TBC1D13: variants seen among roughly 807,000 people sequenced by gnomAD.
TBC1D13 encodes epididymis secretory sperm binding protein.
Under a neutral mutation model 53.6 loss-of-function variants are expected in TBC1D13, and 40 were observed. The ratio of observed to expected loss-of-function variants is 0.75; its 90% CI spans 0.58 to 0.97. The LOEUF is 0.97. Ranked by LOEUF, TBC1D13 falls within the 50% of genes least tolerant of loss-of-function variation. TBC1D13 has a pLI of 0.00. For missense variants in TBC1D13, 377 were observed against 499.4 expected, an observed-to-expected ratio of 0.75 and a Z score of 2.34; for synonymous variants, 182 against 197.7, an observed-to-expected ratio of 0.92 and a Z score of 0.67.
chr9:128,803,886 A>T, intron 8 of TBC1D13, 70 bp from the exon 9 acceptor site: 1 of 1,585,974 alleles, frequency 6.3e-7, no homozygotes, highest in Non-Finnish European at 8.6e-7. Flanking sequence ...AGCAGGGCAG[A>T]TGTCTGGTAG....
At chr9:128,789,196 G>A (rs1423230025) in intron 2 of TBC1D13, among the ~76,000 whole-genome samples, 2 of 150,896 alleles carry the variant, frequency 1.3e-5, no homozygotes, top group Non-Finnish European at 2.9e-5. Flanking sequence ...GGTGGCACTT[G>A]CCTGTAATCC....
intron 3 of TBC1D13, among the ~76,000 whole-genome samples, chr9:128,790,982 A>C (rs1461958516): frequency 6.6e-6 from 1 of 152,130 alleles, no homozygotes; most frequent in African/African-American, 2.4e-5. Flanking sequence ...TAATGCCAAC[A>C]ATGAAGACCT....
intron 9 of TBC1D13, 21 bp downstream of exon 9, chr9:128,804,140 CGGG>C (rs753171017): frequency 1.2e-6 from 2 of 1,611,600 alleles, no homozygotes; most frequent in South Asian, 2.2e-5. Flanking sequence ...CAGGAACAGA[CGGG>C]TGGAAAGGGA....
rs369205778 is a variant in TBC1D13, at chr9:128,797,198, G to C, written c.527G>C (p.Arg176Pro). The C allele has an allele frequency of 1.2e-6, 2 of 1,613,906 alleles. No individual in the cohort carries two copies. Among genetic ancestry groups the C allele is most frequent in the Non-Finnish European group, 1.7e-6 (2 of 1,179,956 alleles). ...AAATCTCAGACGGTGGCCCGGAACC[G>C]GAGTGGGGTCACAAATGTGAGTGCC... Reference protein sequence around the residue: ...TLKSQTVARNRSGVTNMSSPH... With the variant: ...TLKSQTVARNPSGVTNMSSPH... The change falls in exon 7 of 12, where the codon CGG becomes CCG. Residue 176 changes from arginine to proline, a missense_variant. Coordinates refer to ENST00000372648, the MANE Select transcript of TBC1D13 (RefSeq NM_018201.5).
At chr9:128,793,716 C>G (rs1256295587) in intron 6 of TBC1D13, among the ~76,000 whole-genome samples, 1 of 152,154 alleles carries the variant, frequency 6.6e-6, no homozygotes, top group African/African-American at 2.4e-5. Context: ...TTACAACAGC[C>G]TGCCTGGGAC....
chr9:128,787,512 C>A, intron 1 of TBC1D13, 136 bp downstream of exon 1: 1 of 924,148 alleles, frequency 1.1e-6, no homozygotes, highest in Non-Finnish European at 1.4e-6. Context: ...CGTCCACCTT[C>A]TAACCTCATT....
intron 5 of TBC1D13, among the ~76,000 whole-genome samples, 158 bp from the exon 6 acceptor site, chr9:128,792,334 G>A (rs1829548259): frequency 6.6e-6 from 1 of 152,204 alleles, no homozygotes. Flanking sequence ...GGGAAGGGCT[G>A]TGTTGGCTCC....
chr9:128,805,859 C>G lies in TBC1D13; in HGVS notation c.919C>G (p.Gln307Glu). The G allele has an allele frequency of 6.2e-7, 1 of 1,613,276 alleles. No individual in the cohort carries two copies. The highest frequency in any genetic ancestry group is 1.1e-5 in the South Asian group (1 of 91,038). The change falls in exon 10 of 12, where the codon CAA (glutamine) becomes GAA (glutamate). Residue 307 changes from glutamine to glutamate, a missense_variant and splice_region_variant. Transcript: ENST00000372648. Reference protein sequence around the residue: ...DKDVELYLKLQEQNIKPQFFA... With the variant: ...DKDVELYLKLEEQNIKPQFFA... ...CCCACCCCCCACGCTGTCTCCCCAG[C>G]AAGAGCAGAACATCAAGCCTCAGTT...
Position 128,788,353 on chromosome 9 carries a change from G to C in TBC1D13, c.43G>C (p.Val15Leu), listed in dbSNP as rs1829467513. 6.2e-7 allele frequency: 1 copy of C among 1,614,164 alleles called. No individual in the cohort carries two copies. The change falls in exon 2 of 12, where the codon GTC becomes CTC. Residue 15 changes from valine (V) to leucine (L), a missense_variant. By Grantham distance (32) the Val-to-Leu change is conservative. Transcript: ENST00000372648. ...HKSRIADFQD[V>L]LKEPSIALEK... ...TTCCAGAATTGCAGATTTCCAGGATGTCCTGAAGGAGCCCTCAATTGCATT... is the reference window on the plus strand; with the variant it reads ...TTCCAGAATTGCAGATTTCCAGGATCTCCTGAAGGAGCCCTCAATTGCATT...
chr9:128,806,227 C>T (rs372756838), intron 10 of TBC1D13, 27 bp from the exon 11 acceptor site: 1 of 1,614,098 alleles, frequency 6.2e-7, no homozygotes, highest in Non-Finnish European at 8.5e-7. Context: ...TCCCAGGTCC[C>T]AGCGCTTTTG....
Position 128,807,932 on chromosome 9 carries a change from T to C in TBC1D13, c.*53T>C. The stretch of plus-strand genomic sequence containing the variant: ...AGAGAAGCCTCCCGACCCTGTGCCC[T>C]GGCTCCCGGGACACATAGAAACCTG... On this transcript the variant is annotated 3_prime_UTR_variant, in exon 12 of 12. Transcript: ENST00000372648. The C allele has an allele frequency of 6.4e-7, 1 of 1,563,726 alleles. No homozygotes were observed. Among genetic ancestry groups the C allele is most frequent in the African/African-American group, 1.4e-5 (1 of 74,058 alleles).
At position 128,795,305 on chromosome 9, in the gene TBC1D13, G is replaced by A. The variant is rs748306973; in HGVS notation, c.384-1750G>A. ...GCAATCTTGGCTCACTGCAACCTCC[G>A]GGTTCCAGTGATTTCTCCTGCCTCA... is the stretch of plus-strand genomic sequence containing the variant. On this transcript the variant is annotated intron_variant, in intron 6 of 11. Coordinates refer to ENST00000372648, the MANE Select transcript of TBC1D13 (RefSeq NM_018201.5). 4.7e-5 allele frequency among the ~76,000 whole-genome samples: 7 copies of A among 149,596 alleles called. No homozygotes were observed. In the South Asian group the frequency reaches 6.4e-4, roughly 14 times the overall value.
intron 1 of TBC1D13, 120 bp from the exon 2 acceptor site, chr9:128,788,214 T>C (rs1353232570): frequency 5.0e-6 from 4 of 800,164 alleles, no homozygotes; most frequent in Non-Finnish European, 8.4e-6. Context: ...GTGTGATTTT[T>C]ATGTCCTAAA....
chr9:128,790,512 T>C (rs1829511836), intron 2 of TBC1D13, among the ~76,000 whole-genome samples: 1 of 152,224 alleles, frequency 6.6e-6, no homozygotes, highest in African/African-American at 2.4e-5. Context: ...AGGCGGAGGC[T>C]GCAGTGAGCC....
chr9:128,799,057 G>A (rs1030221286), intron 7 of TBC1D13, among the ~76,000 whole-genome samples: 9 of 152,184 alleles, frequency 5.9e-5, no homozygotes, highest in Non-Finnish European at 4.4e-5. Flanking sequence ...GGGCAGATAT[G>A]GCCGATCCAG....
chr9:128,791,219 G>C (rs1220806055), intron 3 of TBC1D13, among the ~76,000 whole-genome samples, 161 bp from the exon 4 acceptor site: 2 of 152,144 alleles, frequency 1.3e-5, no homozygotes, highest in South Asian at 2.1e-4. Flanking sequence ...GGGGAGGAAG[G>C]GGGAGGCTAC....
chr9:128,801,754 TTTTTTG>T (rs1449784712), intron 7 of TBC1D13, among the ~76,000 whole-genome samples: 1 of 121,904 alleles, frequency 8.2e-6, no homozygotes, highest in Non-Finnish European at 1.6e-5. Flanking sequence ...GATTTTTTTG[TTTTTTG>T]TTTTTTGTTT....
intron 6 of TBC1D13, among the ~76,000 whole-genome samples, chr9:128,796,331 C>T (rs1001783587): frequency 7.2e-5 from 11 of 151,946 alleles, no homozygotes; most frequent in Non-Finnish European, 1.5e-4. Flanking sequence ...CTCACTGCAA[C>T]CTCCGCCTCC....
At chr9:128,805,014 C>T (rs759112086) in intron 9 of TBC1D13, among the ~76,000 whole-genome samples, 1 of 152,154 alleles carries the variant, frequency 6.6e-6, no homozygotes, top group Non-Finnish European at 1.5e-5. Flanking sequence ...CAGGCATGAG[C>T]CACTGTGCCT....
Sources: gnomAD v4.1 joint callset for allele counts (sites outside exome capture counted in the v4.1 genomes callset) on GRCh38, gnomAD v4.1.1 for gene constraint, MANE v1.5 for transcripts, NCBI Gene and HGNC (gene_info 2026-07-23, HGNC 2026-07-21) for gene names.